The following PRKN variants were observed in gnomAD, a reference collection of about 807,000 sequenced individuals.
PRKN encodes parkin RBR E3 ubiquitin protein ligase, also known as E3 ubiquitin-protein ligase parkin.
In PRKN, 56 loss-of-function variants were observed where a neutral mutation model predicts 59.5. That is an observed-to-expected ratio of 0.94 (90% confidence interval 0.76 to 1.18). PRKN has a LOEUF of 1.18. Among genes scored for constraint, PRKN ranks in the 50% most tolerant of loss-of-function variants. The pLI, the probability that PRKN is intolerant of heterozygous loss-of-function variation, is 0.00. For missense variants in PRKN, 657 were observed against 596.4 expected (o/e 1.10, Z -1.06); for synonymous variants, 250 against 222.1 (o/e 1.13, Z -1.12).
intron 2 of PRKN, among the ~76,000 whole-genome samples, chr6:162,328,835 G>A (rs968164023): frequency 1.3e-5 from 2 of 152,186 alleles, no homozygotes; most frequent in East Asian, 1.9e-4. Flanking sequence ...GTCATGCCCG[G>A]TTCCTGGGCC....
intron 7 of PRKN, among the ~76,000 whole-genome samples, chr6:161,600,034 T>G (rs1481540748): frequency 2.0e-5 from 3 of 152,328 alleles, no homozygotes; most frequent in Admixed American, 2.0e-4. Context: ...TAAAATCTGT[T>G]ATATTAACAT....
chr6:161,441,006 T>C (rs917426810), intron 9 of PRKN, among the ~76,000 whole-genome samples: 1 of 152,192 alleles, frequency 6.6e-6, no homozygotes, highest in Non-Finnish European at 1.5e-5. Flanking sequence ...AGGATTTTCC[T>C]AACAAAAATG....
At chr6:161,661,746 G>C (rs888043264) in intron 7 of PRKN, among the ~76,000 whole-genome samples, 2 of 152,166 alleles carry the variant, frequency 1.3e-5, no homozygotes, top group Non-Finnish European at 2.9e-5. Flanking sequence ...AAGTACGCTG[G>C]GCACAGTGGC....
At chr6:161,738,672 G>C (rs1219697752) in intron 7 of PRKN, among the ~76,000 whole-genome samples, 1 of 152,074 alleles carries the variant, frequency 6.6e-6, no homozygotes, top group Admixed American at 6.6e-5. Flanking sequence ...CAGGTGTAGA[G>C]GCTGCTCCCC....
intron 1 of PRKN, among the ~76,000 whole-genome samples, chr6:162,537,554 A>G (rs898518906): frequency 6.6e-6 from 1 of 151,944 alleles, no homozygotes; most frequent in Non-Finnish European, 1.5e-5. Flanking sequence ...CATCTTTCCC[A>G]CTGCCACCTC....
intron 1 of PRKN, among the ~76,000 whole-genome samples, chr6:162,595,293 T>C (rs1490443880): frequency 6.6e-6 from 1 of 151,984 alleles, no homozygotes; most frequent in Non-Finnish European, 1.5e-5. Flanking sequence ...TGAGTTTCTA[T>C]CACCCAACCT....
intron 1 of PRKN, among the ~76,000 whole-genome samples, chr6:162,458,169 T>C (rs1409247368): frequency 1.5e-5 from 2 of 129,590 alleles, no homozygotes; most frequent in African/African-American, 2.6e-5. Flanking sequence ...ACAGGGAGAA[T>C]TGCTTGAACC....
At chr6:162,470,222 A>C (rs1375349206) in intron 1 of PRKN, among the ~76,000 whole-genome samples, 1 of 152,198 alleles carries the variant, frequency 6.6e-6, no homozygotes, top group Non-Finnish European at 1.5e-5. Context: ...TGTCCTTGAC[A>C]TTTTATGATA....
At chr6:162,259,751 T>C (rs1050941769) in intron 3 of PRKN, among the ~76,000 whole-genome samples, 1 of 152,244 alleles carries the variant, frequency 6.6e-6, no homozygotes, top group Non-Finnish European at 1.5e-5. Flanking sequence ...TGACTGACTA[T>C]GTTTACAATT....
intron 1 of PRKN, among the ~76,000 whole-genome samples, chr6:162,612,235 T>G (rs972920616): frequency 7.1e-6 from 1 of 141,748 alleles, no homozygotes; most frequent in African/African-American, 2.6e-5. Context: ...AAATTATTTA[T>G]AATAATAGAA....
At chr6:162,339,169 C>T (rs1335743762) in intron 2 of PRKN, among the ~76,000 whole-genome samples, 9 of 145,088 alleles carry the variant, frequency 6.2e-5, no homozygotes, top group South Asian at 2.2e-4. Context: ...GGAGCCTCTC[C>T]GCCCGGCAGC....
At chr6:162,461,836 A>AG in intron 1 of PRKN, among the ~76,000 whole-genome samples, 1 of 151,146 alleles carries the variant, frequency 6.6e-6, no homozygotes, top group African/African-American at 2.4e-5. Flanking sequence ...AAAAAAAAAA[A>AG]AGAGACAATG....
chr6:162,077,409 T>C (rs1778870850), intron 4 of PRKN, among the ~76,000 whole-genome samples: 2 of 152,026 alleles, frequency 1.3e-5, no homozygotes, highest in African/African-American at 4.8e-5. Context: ...TTAGAACCTA[T>C]CCCACCACAG....
intron 7 of PRKN, among the ~76,000 whole-genome samples, chr6:161,657,341 T>C (rs1784385557): frequency 6.6e-6 from 1 of 152,090 alleles, no homozygotes; most frequent in Admixed American, 6.6e-5. Flanking sequence ...ACATAATTAG[T>C]TTTTTAAAGG....
At chr6:162,130,375 G>A (rs75009774) in intron 4 of PRKN, among the ~76,000 whole-genome samples, 2,423 of 152,006 alleles carry the variant, frequency 0.016, 82 homozygotes, top group African/African-American at 0.055. Flanking sequence ...ACCTCTTCAC[G>A]GGTAACAACT....
In PRKN at chr6:161,552,625, T is replaced by C. The variant is rs866626463; in HGVS notation, c.934-3622A>G. 1.6e-4 allele frequency among the ~76,000 whole-genome samples: 24 copies of C among 151,916 alleles called. No individual in the cohort carries two copies. Among genetic ancestry groups the C allele is most frequent in the African/African-American group, 5.8e-4 (24 of 41,370 alleles). On this transcript the variant is annotated intron_variant, in intron 8 of 11. Coordinates refer to ENST00000366898, the MANE Select transcript of PRKN (RefSeq NM_004562.3). This position sits in a 1 kb window ranked among gnomAD's most constrained non-coding sequence, Gnocchi z 4.9. ...AAAACAAAAAACTTTTTATTGTAAA[T>C]ATCACATAGAATAAGCTTAATACAT... is the stretch of plus-strand genomic sequence containing the variant.
At chr6:162,653,154 G>T (rs1778509347) in intron 1 of PRKN, among the ~76,000 whole-genome samples, 1 of 152,196 alleles carries the variant, frequency 6.6e-6, no homozygotes, top group Non-Finnish European at 1.5e-5. Context: ...AAAAATCGAT[G>T]ATTGCATTGT....
At chr6:162,214,434 G>T (rs1413164585) in intron 3 of PRKN, among the ~76,000 whole-genome samples, 2 of 152,092 alleles carry the variant, frequency 1.3e-5, no homozygotes, top group East Asian at 3.9e-4. Context: ...GTTACCTGTG[G>T]CTCTGAGCAC....
At chr6:162,337,515 G>T (rs1050312698) in intron 2 of PRKN, among the ~76,000 whole-genome samples, 1 of 152,184 alleles carries the variant, frequency 6.6e-6, no homozygotes, top group African/African-American at 2.4e-5. Context: ...GTTATTTTCA[G>T]ACTTAATCAG....
Sources: allele counts gnomAD v4.1 joint callset (sites outside exome capture counted in the v4.1 genomes callset), GRCh38; gene constraint gnomAD v4.1.1; non-coding constraint Gnocchi (gnomAD v3.1); transcripts MANE v1.5; gene names NCBI Gene and HGNC (gene_info 2026-07-23, HGNC 2026-07-21).